CD74: variants seen among roughly 807,000 people sequenced by gnomAD.
CD74 encodes the protein CD74 molecule, also known as HLA class II histocompatibility antigen gamma chain.
A neutral mutation model predicts 37.1 loss-of-function variants in CD74; 20 were observed. The ratio of observed to expected loss-of-function variants is 0.54; its 90% CI spans 0.38 to 0.78. CD74 has a LOEUF of 0.78. CD74 is among the 30% of genes least tolerant of loss of function. The pLI is 0.00. For synonymous variants in CD74, 150 were observed against 152.0 expected, an observed-to-expected ratio of 0.99 and a Z score of 0.10; for missense variants, 338 against 389.5, an observed-to-expected ratio of 0.87 and a Z score of 1.11.
Position 150,401,841 on chromosome 5 carries a change from T to C in CD74, c.*399A>G, listed in dbSNP as rs1769630010. ...GGCTAGAAAAGCCAAGGCCAAAGGC[T>C]GGAGGGGAGAGGACAGTCAGCATGT... On this transcript the variant is annotated 3_prime_UTR_variant, in exon 9 of 9. Transcript: ENST00000009530. 8 of 663,766 alleles carry C rather than the reference T, an allele frequency of 1.2e-5. No individual in the cohort carries two copies. The South Asian group carries it at 1.3e-4, about 11-fold the overall frequency. 41.1% of individuals were successfully genotyped at this position (663,766 alleles called of 1,614,324 possible).
At chr5:150,411,640 G>A (rs1226266914) in intron 1 of CD74, among the ~76,000 whole-genome samples, 1 of 152,192 alleles carries the variant, frequency 6.6e-6, no homozygotes, top group Non-Finnish European at 1.5e-5. Context: ...TGGGGGCCTG[G>A]TGTCCCCTGG....
rs202092192 is a variant in CD74, at chr5:150,407,167, T to C, written c.283A>G (p.Met95Val). The change falls in exon 2 of 9, where the codon ATG (methionine) becomes GTG (valine). Residue 95 changes from methionine to valine, a missense_variant. Met to Val is a conservative substitution (Grantham distance 21). Coordinates refer to ENST00000009530, the MANE Select transcript of CD74 (RefSeq NM_001025159.3). This position sits in a 1 kb window ranked among gnomAD's most constrained non-coding sequence, Gnocchi z 4.4. ...GTGCACGCACGCTTGGGAAGCTTCA[T>C]GCGCAGGTTCTCCAGCTGCAGGTTC... Reference protein sequence around the residue: ...SQNLQLENLRMKLPKPPKPVS... With the variant: ...SQNLQLENLRVKLPKPPKPVS... The C allele has an allele frequency of 1.9e-6, 3 of 1,613,642 alleles. No homozygotes were observed. The highest frequency in any genetic ancestry group is 2.2e-5 in the East Asian group (1 of 44,872).
Position 150,403,453 on chromosome 5 carries a change from G to T in CD74, c.626-141C>A, listed in dbSNP as rs113351606. On this transcript the variant is annotated intron_variant, in intron 6 of 8. Transcript: ENST00000009530. This position sits in a 1 kb window ranked among gnomAD's most constrained non-coding sequence, Gnocchi z 4.5. ...GCTTTACTCACTCCAGCCATCACAC[G>T]GATGGGAAAACTGAGGCCTAGACCA... 1 of 744,104 alleles carries T rather than the reference G, an allele frequency of 1.3e-6. No individual in the cohort carries two copies. The highest frequency in any genetic ancestry group is 2.3e-6 in the Non-Finnish European group (1 of 433,408). 46.1% of individuals were successfully genotyped at this position (744,104 alleles called of 1,614,324 possible). A position where few individuals can be genotyped will look rare whatever the true frequency, so the allele number is the denominator to read the frequency against.
At chr5:150,405,753 C>CA (rs1769921329) in intron 4 of CD74, 1 of 156,300 alleles carries the variant, frequency 6.4e-6, no homozygotes, top group African/African-American at 2.4e-5. Context: ...CTTTGAGCCT[C>CA]AGTTTCTTTT....
intron 1 of CD74, 121 bp downstream of exon 1, chr5:150,412,504 A>C: frequency 1.3e-6 from 1 of 760,446 alleles, no homozygotes; most frequent in Non-Finnish European, 2.2e-6. Flanking sequence ...CAAAAAGTCA[A>C]TGTTAGAGTC....
At chr5:150,410,109 A>G (rs1176070063) in intron 1 of CD74, among the ~76,000 whole-genome samples, 1 of 151,902 alleles carries the variant, frequency 6.6e-6, no homozygotes, top group Non-Finnish European at 1.5e-5. Flanking sequence ...ACAGGAAGGG[A>G]AAACAAATTC....
intron 6 of CD74, chr5:150,404,438 C>A (rs946484453): frequency 4.2e-5 from 22 of 522,020 alleles, no homozygotes; most frequent in Middle Eastern, 1.0e-3. Context: ...CCTGTGGTGA[C>A]AGGCCTCTGT....
rs1459517929 is a variant in CD74 at position 150,403,634 on chromosome 5, G to T, written c.626-322C>A. 6.6e-6 allele frequency among the ~76,000 whole-genome samples: 1 copy of T among 152,142 alleles called. No individual in the cohort carries two copies. The highest frequency in any genetic ancestry group is 6.5e-5 in the Admixed American group (1 of 15,280). On this transcript the variant is annotated intron_variant, in intron 6 of 8. Transcript: ENST00000009530. The surrounding 1 kb of genome is among the most constrained non-coding windows in gnomAD (Gnocchi z 4.5). ...AGCACTTTGGGAGGCCGAGGTGGGC[G>T]GATCACTTGAGGTCAGGAGTTCAAG...
intron 3 of CD74, 28 bp downstream of exon 3, chr5:150,406,853 C>T: frequency 7.0e-7 from 1 of 1,424,534 alleles, no homozygotes; most frequent in Non-Finnish European, 9.3e-7. Flanking sequence ...TAACCTTGCC[C>T]CTCCCACCAC....
intron 6 of CD74, 96 bp downstream of exon 6, chr5:150,404,584 G>T: frequency 1.5e-6 from 1 of 687,342 alleles, no homozygotes; most frequent in South Asian, 1.6e-5. Context: ...CCGCGGTGCT[G>T]GGACCAGGGA....
intron 4 of CD74, 142 bp from the exon 5 acceptor site, chr5:150,405,322 A>T: frequency 5.9e-6 from 8 of 1,354,980 alleles, no homozygotes; most frequent in Non-Finnish European, 6.7e-6. Context: ...GACTTCAGCC[A>T]TGATGGGAGG....
intron 1 of CD74, among the ~76,000 whole-genome samples, chr5:150,410,013 G>A (rs1003917054): frequency 6.8e-6 from 1 of 148,078 alleles, no homozygotes; most frequent in African/African-American, 2.5e-5. Flanking sequence ...TCTGGGATAA[G>A]GCCCAGCCCA....
At position 150,410,201 on chromosome 5, in the gene CD74, T is replaced by G. The variant is rs73799048; in HGVS notation, c.125+2424A>C. ...GCCTCATCCTCCACCTGTTCAGTGC[T>G]TCTGCAACCCCACACCCAATTCTAG... On this transcript the variant is annotated intron_variant, in intron 1 of 8. Coordinates refer to ENST00000009530, the MANE Select transcript of CD74 (RefSeq NM_001025159.3). 8.6e-3 allele frequency among the ~76,000 whole-genome samples: 1,303 copies of G among 152,264 alleles called. 18 individuals carry two copies. The highest frequency in any genetic ancestry group is 0.029 in the African/African-American group (1,220 of 41,534).
In CD74 at chr5:150,402,746, G is replaced by A. The variant is rs1364204550; in HGVS notation, c.818-121C>T. 1.2e-6 allele frequency: 1 copy of A among 814,660 alleles called. No individual in the cohort carries two copies. Among genetic ancestry groups the A allele is most frequent in the Non-Finnish European group, 2.0e-6 (1 of 498,258 alleles). 50.5% of individuals were successfully genotyped at this position (814,660 alleles called of 1,614,324 possible). Reference sequence around the variant, plus strand: ...GTGCCTGGGAAAGCAGGTACCCAGGGAAGGACAGCTGCAAGCAGCAACAAA... The same window carrying A: ...GTGCCTGGGAAAGCAGGTACCCAGGAAAGGACAGCTGCAAGCAGCAACAAA... On this transcript the variant is annotated intron_variant, in intron 7 of 8. Transcript: ENST00000009530. This position sits in a 1 kb window ranked among gnomAD's most constrained non-coding sequence, Gnocchi z 4.2.
chr5:150,409,464 T>C (rs1382505402), intron 1 of CD74, among the ~76,000 whole-genome samples: 1 of 151,254 alleles, frequency 6.6e-6, no homozygotes, highest in African/African-American at 2.4e-5. Context: ...AAGGTGGAGG[T>C]TGCAGTGAGC....
intron 1 of CD74, among the ~76,000 whole-genome samples, chr5:150,410,461 GATGAGGGT>G (rs908744054): frequency 6.6e-6 from 1 of 152,144 alleles, no homozygotes; most frequent in Non-Finnish European, 1.5e-5. Flanking sequence ...TAAATAAGAT[GATGAGGGT>G]AAAGCTCTTG....
intron 1 of CD74, among the ~76,000 whole-genome samples, chr5:150,411,382 A>C (rs775298866): frequency 2.0e-5 from 3 of 152,284 alleles, no homozygotes; most frequent in East Asian, 1.9e-4. Flanking sequence ...TGGGGTTTTC[A>C]CAGGCCACAG....
rs949397974 is a variant in CD74 at position 150,403,442 on chromosome 5, A to C, written c.626-130T>G. 1 of 792,452 alleles carries C rather than the reference A, an allele frequency of 1.3e-6. No individual in the cohort carries two copies. Among genetic ancestry groups the C allele is most frequent in the African/African-American group, 1.7e-5 (1 of 58,688 alleles). 49.1% of individuals were successfully genotyped at this position (792,452 alleles called of 1,614,324 possible). On this transcript the variant is annotated intron_variant, in intron 6 of 8. Coordinates refer to ENST00000009530, the MANE Select transcript of CD74 (RefSeq NM_001025159.3). This position sits in a 1 kb window ranked among gnomAD's most constrained non-coding sequence, Gnocchi z 4.5. ...CTTCCCAAGTGGCTTTACTCACTCC[A>C]GCCATCACACGGATGGGAAAACTGA...
Position 150,403,342 on chromosome 5 carries a change from T to C in CD74, c.626-30A>G, listed in dbSNP as rs749515477. 1 of 1,594,038 alleles carries C rather than the reference T, an allele frequency of 6.3e-7. No homozygotes were observed. The highest frequency in any genetic ancestry group is 8.6e-7 in the Non-Finnish European group (1 of 1,162,202). On this transcript the variant is annotated intron_variant, in intron 6 of 8. Coordinates refer to ENST00000009530, the MANE Select transcript of CD74 (RefSeq NM_001025159.3). The surrounding 1 kb of genome is among the most constrained non-coding windows in gnomAD (Gnocchi z 4.5). Reference sequence around the variant, plus strand: ...AGCGACAGGCATGATGAGGACACAGTGAGTGAGTGAGCTCTGAACCAGGGT... The same window carrying C: ...AGCGACAGGCATGATGAGGACACAGCGAGTGAGTGAGCTCTGAACCAGGGT...
Sources: allele counts gnomAD v4.1 joint callset (sites outside exome capture counted in the v4.1 genomes callset), GRCh38; gene constraint gnomAD v4.1.1; non-coding constraint Gnocchi (gnomAD v3.1); transcripts MANE v1.5; gene names NCBI Gene and HGNC (gene_info 2026-07-23, HGNC 2026-07-21).